HSPA8: variants seen among roughly 807,000 people sequenced by gnomAD.
The protein encoded by HSPA8 is heat shock cognate 71 kDa protein.
HSPA8 carries 2 observed loss-of-function variants against 52.8 expected under a neutral mutation model. That is an observed-to-expected ratio of 0.04 (90% confidence interval 0.02 to 0.12). The LOEUF (loss-of-function observed/expected upper bound fraction) is 0.12, where lower values mean the gene tolerates loss of function less well. HSPA8 is among the 10% of genes least tolerant of loss of function. HSPA8 has a pLI of 1.00. For missense variants in HSPA8, 349 were observed against 800.5 expected (o/e 0.44, Z 6.81); for synonymous variants, 436 against 274.0 (o/e 1.59, Z -5.84).
chr11:123,060,048 CATTTAAATTTACGATGG>C lies in HSPA8; in HGVS notation c.565-37_565-21del. On this transcript the variant is annotated intron_variant, in intron 4 of 8. Transcript: ENST00000534624. ...TCCAACCTGCCGTTAAAAACAATCTCATTTAAATTTACGATGGATCAAATTAATCTTAAAATAATCCG... is the reference window on the plus strand; with the variant it reads ...TCCAACCTGCCGTTAAAAACAATCTCATCAAATTAATCTTAAAATAATCCG... 1 of 1,614,090 alleles carries C rather than the reference CATTTAAATTTACGATGG, an allele frequency of 6.2e-7. No individual in the cohort carries two copies. Among genetic ancestry groups the C allele is most frequent in the Non-Finnish European group, 8.5e-7 (1 of 1,179,974 alleles).
At position 123,057,805 on chromosome 11, in the gene HSPA8, C is replaced by G; in HGVS notation, c.1870G>C (p.Gly624Arg). 2 of 1,613,856 alleles carry G rather than the reference C, an allele frequency of 1.2e-6. No homozygotes were observed. Among genetic ancestry groups the G allele is most frequent in the Non-Finnish European group, 1.7e-6 (2 of 1,179,820 alleles). ...GGAGGAGCTCCACCACCAGGAAATC[C>G]CCCAGGCATTCCTCCTGGCATGCCT... Reference protein sequence around the residue: ...AGGMPGGMPGGFPGGGAPPSG... With the variant: ...AGGMPGGMPGRFPGGGAPPSG... Residue 624 changes from glycine (G) to arginine (R), a missense_variant, in exon 9 of 9, where the codon GGA becomes CGA. Coordinates refer to ENST00000534624, the MANE Select transcript of HSPA8 (RefSeq NM_006597.6).
At position 123,060,278 on chromosome 11, in the gene HSPA8, A is replaced by C; in HGVS notation, c.412-10T>G. The C allele has an allele frequency of 1.2e-6, 2 of 1,612,032 alleles. No individual in the cohort carries two copies. The highest frequency in any genetic ancestry group is 1.7e-6 in the Non-Finnish European group (2 of 1,179,330). ...CAGCATTGGTAACAGTCTAGGAATAAGGAAAAGACCACAGATTGGTAACTA... is the reference window on the plus strand; with the variant it reads ...CAGCATTGGTAACAGTCTAGGAATACGGAAAAGACCACAGATTGGTAACTA... On this transcript the variant is annotated splice_polypyrimidine_tract_variant and intron_variant, in intron 3 of 8. Transcript: ENST00000534624.
At position 123,060,276 on chromosome 11, in the gene HSPA8, T is replaced by C. The variant is rs1865451345; in HGVS notation, c.412-8A>G. ...CACAGCATTGGTAACAGTCTAGGAA[T>C]AAGGAAAAGACCACAGATTGGTAAC... On this transcript the variant is annotated splice_polypyrimidine_tract_variant and splice_region_variant and intron_variant, in intron 3 of 8. Transcript: ENST00000534624. 2 of 1,612,222 alleles carry C rather than the reference T, an allele frequency of 1.2e-6. No individual in the cohort carries two copies. The highest frequency in any genetic ancestry group is 1.1e-5 in the South Asian group (1 of 91,012).
rs1565366577 is a variant in HSPA8, at chr11:123,058,237, A to C, written c.1755+15T>G. On this transcript the variant is annotated intron_variant, in intron 8 of 8. Transcript: ENST00000534624. ...ATTGAGTGGGGGAGGAAAAAAAAAA[A>C]AAAAAAACACAAACCTGATTCTTAT... 1.3e-6 allele frequency: 2 copies of C among 1,503,032 alleles called. No homozygotes were observed. Among genetic ancestry groups the C allele is most frequent in the Non-Finnish European group, 1.8e-6 (2 of 1,095,492 alleles). The allele number at this position is 1,503,032 out of a possible 1,614,324, so 93.1% of individuals were successfully genotyped here.
chr11:123,060,068 CAAATT>C (rs760868592), intron 4 of HSPA8, 40 bp from the exon 5 acceptor site: 4 of 1,614,014 alleles, frequency 2.5e-6, no homozygotes, highest in Non-Finnish European at 3.4e-6. Flanking sequence ...TACGATGGAT[CAAATT>C]AATCTTAAAA....
Position 123,062,076 on chromosome 11 carries a change from C to T in HSPA8, c.-18G>A, listed in dbSNP as rs1374068976. On this transcript the variant is annotated 5_prime_UTR_variant, in exon 1 of 9. Coordinates refer to ENST00000534624, the MANE Select transcript of HSPA8 (RefSeq NM_006597.6). ...GCAGAGGTTTTACCTGGGGTGTAGGCCTGGCTCCAATAACGAAGGAAGCCA... is the reference window on the plus strand; with the variant it reads ...GCAGAGGTTTTACCTGGGGTGTAGGTCTGGCTCCAATAACGAAGGAAGCCA... 2 of 152,694 alleles carry T rather than the reference C, an allele frequency of 1.3e-5. No homozygotes were observed. Among genetic ancestry groups the T allele is most frequent in the East Asian group, 3.8e-4 (2 of 5,200 alleles). 9.5% of individuals were successfully genotyped at this position (152,694 alleles called of 1,614,324 possible).
At chr11:123,062,382 CT>C (rs1865540859), upstream of HSPA8, 1 of 152,496 alleles carries the variant, frequency 6.6e-6, no homozygotes, top group Admixed American at 6.5e-5. Flanking sequence ...CGCCCCCGCT[CT>C]CCGGACGGCC....
chr11:123,060,952 C>T (rs1180954359), intron 2 of HSPA8, 154 bp from the exon 3 acceptor site: 2 of 875,518 alleles, frequency 2.3e-6, no homozygotes, highest in South Asian at 1.7e-5. Flanking sequence ...CCTACGTTAT[C>T]CAGATTTCAG....
chr11:123,061,593 A>C, intron 1 of HSPA8: 1 of 511,070 alleles, frequency 2.0e-6, no homozygotes. Flanking sequence ...CTTACCCCGA[A>C]CTGAGCACTG....
intron 1 of HSPA8, chr11:123,061,561 G>A (rs1345534090): frequency 5.3e-6 from 3 of 562,674 alleles, no homozygotes; most frequent in East Asian, 3.0e-5. Flanking sequence ...CAGACGGCGT[G>A]GGGCGTTGCT....
At chr11:123,060,411 C>G in intron 3 of HSPA8, 143 bp from the exon 4 acceptor site, 5 of 978,236 alleles carry the variant, frequency 5.1e-6, no homozygotes, top group Non-Finnish European at 7.8e-6. Flanking sequence ...TGTCAAGATT[C>G]ACTGGTTTCT....
intron 4 of HSPA8, 38 bp downstream of exon 4, chr11:123,060,078 T>C (rs894710340): frequency 8.7e-6 from 14 of 1,613,998 alleles, no homozygotes; most frequent in Non-Finnish European, 1.1e-5. Context: ...CAAATTAATC[T>C]TAAAATAATC....
chr11:123,059,761 T>C lies in HSPA8; in HGVS notation c.832A>G (p.Thr278Ala). Residue 278 changes from threonine to alanine, a missense_variant, in exon 5 of 9, where the codon ACC becomes GCC. By Grantham distance (58) the Thr-to-Ala change is moderately conservative. Coordinates refer to ENST00000534624, the MANE Select transcript of HSPA8 (RefSeq NM_006597.6). ...GAATCGATCTCAATACTGGCCTGGG[T>C]GCTGGAAGAGAGGGTACGCTTAGCA... ...ERAKRTLSSS[T>A]QASIEIDSLY... 1 of 1,613,902 alleles carries C rather than the reference T, an allele frequency of 6.2e-7. No homozygotes were observed. The highest frequency in any genetic ancestry group is 8.5e-7 in the Non-Finnish European group (1 of 1,179,854).
rs1591438228 is a variant in HSPA8, at chr11:123,060,002, G to A, written c.591C>T (p.Ile197=). 6.2e-7 allele frequency: 1 copy of A among 1,613,906 alleles called. No homozygotes were observed. The highest frequency in any genetic ancestry group is 1.1e-5 in the South Asian group (1 of 91,078). Residue 197 remains isoleucine (I), a synonymous_variant, in exon 5 of 9, where the codon ATC becomes ATT. Coordinates refer to ENST00000534624, the MANE Select transcript of HSPA8 (RefSeq NM_006597.6). ...KKVGAERNVL[I]FDLGGGTFDV... is the part of the protein sequence containing the mutation. ...CAAAAGTGCCACCTCCCAGGTCAAA[G>A]ATGAGCACGTTTCTTTCTGCTCCAA...
chr11:123,061,762 C>T, intron 1 of HSPA8: 1 of 166,960 alleles, frequency 6.0e-6, no homozygotes, highest in Non-Finnish European at 1.3e-5. Flanking sequence ...AAAACGCTGG[C>T]TCCACTTCCC....
At chr11:123,060,304 T>TTA in intron 3 of HSPA8, 36 bp from the exon 4 acceptor site, 1 of 1,597,988 alleles carries the variant, frequency 6.3e-7, no homozygotes, top group Admixed American at 1.7e-5. Context: ...TTGGTAACTA[T>TTA]TATACTTACA....
chr11:123,061,046 T>G, intron 2 of HSPA8, 74 bp downstream of exon 2: 5 of 1,317,196 alleles, frequency 3.8e-6, no homozygotes, highest in Non-Finnish European at 5.4e-6. Context: ...AAAAGTTCCC[T>G]CCTCACGTTT....
chr11:123,061,556 G>A (rs984087960), intron 1 of HSPA8: 43 of 566,656 alleles, frequency 7.6e-5, no homozygotes, highest in South Asian at 5.7e-4. Flanking sequence ...CTACCCAGAC[G>A]GCGTGGGGCG....
Position 123,060,795 on chromosome 11 carries a change from G to A in HSPA8, c.209C>T (p.Ala70Val). Residue 70 changes from alanine (A) to valine (V), a missense_variant, in exon 3 of 9, where the codon GCC becomes GTC. By Grantham distance (64) the Ala-to-Val change is moderately conservative (BLOSUM62 0). Transcript: ENST00000534624. ...AAATCTGCGTCCAATCAGACGTTTG[G>A]CATCTGTAAAAGGTGTCAAATGAAA... ...AMNPTNTVFDAKRLIGRRFDD... is the reference protein window; with the variant it reads ...AMNPTNTVFDVKRLIGRRFDD... 6.2e-7 allele frequency: 1 copy of A among 1,610,666 alleles called. No homozygotes were observed. The highest frequency in any genetic ancestry group is 1.7e-4 in the Middle Eastern group (1 of 6,048).
Sources: gnomAD v4.1 joint callset for allele counts on GRCh38, gnomAD v4.1.1 for gene constraint, MANE v1.5 for transcripts, NCBI Gene and HGNC (gene_info 2026-07-23, HGNC 2026-07-21) for gene names.